Variants in C17orf75 observed in about 807,000 individuals in gnomAD.
C17orf75 encodes protein Njmu-R1.
C17orf75 carries 32 observed loss-of-function variants against 49.6 expected under a neutral mutation model. The observed-to-expected ratio is 0.65, with a 90% CI of 0.49 to 0.87. The LOEUF is 0.87. C17orf75 is among the 40% of genes least tolerant of loss of function. The pLI, the probability that C17orf75 is intolerant of heterozygous loss-of-function variation, is 0.00. For missense variants in C17orf75, 428 were observed against 473.9 expected (o/e 0.90, Z 0.90); for synonymous variants, 158 against 159.5 (o/e 0.99, Z 0.07).
chr17:32,337,894 T>C lies in C17orf75; in HGVS notation c.549+3A>G, dbSNP rs962073569. 3.1e-6 allele frequency: 5 copies of C among 1,602,684 alleles called. No homozygotes were observed. Among genetic ancestry groups the C allele is most frequent in the Non-Finnish European group, 4.3e-6 (5 of 1,173,698 alleles). On this transcript the variant is annotated splice_donor_region_variant and intron_variant, in intron 5 of 9. Coordinates refer to ENST00000577809, the MANE Select transcript of C17orf75 (RefSeq NM_022344.4). ...TTAAAAACCATTAAGTCAGTCACCTTACCTCACAATTCATGTTATTTTTCA... is the reference window on the plus strand; with the variant it reads ...TTAAAAACCATTAAGTCAGTCACCTCACCTCACAATTCATGTTATTTTTCA...
rs1217116062 is a variant in C17orf75 at position 32,347,432 on chromosome 17, CCA to C, written c.-7+2508_-7+2509del. On this transcript the variant is annotated intron_variant, in intron 1 of 8. Transcript: ENST00000583774. ...TAGCTGGGATTACAGGCGCCCGCCA[CCA>C]CACTCAGCTATTTTTTTTGTATTTT... Among the ~76,000 whole-genome samples the C allele has an allele frequency of 4.6e-5, 7 of 152,180 alleles. No homozygotes were observed. The East Asian group carries it at 1.2e-3, about 25-fold the overall frequency.
In C17orf75 at chr17:32,335,315, G is replaced by A. The variant is rs879492499; in HGVS notation, c.669+8C>T. On this transcript the variant is annotated splice_region_variant and intron_variant, in intron 6 of 9. Transcript: ENST00000577809. ...GTTAAGGAAATGCTCTCATTTGGCA[G>A]TACTTACAGCATGTAGCAGAAAGGT... 1.9e-6 allele frequency: 3 copies of A among 1,613,308 alleles called. No individual in the cohort carries two copies. The highest frequency in any genetic ancestry group is 2.5e-6 in the Non-Finnish European group (3 of 1,179,636).
In C17orf75 at chr17:32,341,267, C is replaced by A. The variant is rs1372226949; in HGVS notation, c.158G>T (p.Gly53Val). The A allele has an allele frequency of 1.2e-6, 2 of 1,613,828 alleles. No individual in the cohort carries two copies. The highest frequency in any genetic ancestry group is 1.7e-6 in the Non-Finnish European group (2 of 1,179,894). The change falls in exon 2 of 10, where the codon GGG (glycine) becomes GTG (valine). Residue 53 changes from glycine (G) to valine (V), a missense_variant. Gly to Val is a moderately radical substitution (Grantham distance 109). Coordinates refer to ENST00000577809, the MANE Select transcript of C17orf75 (RefSeq NM_022344.4). Reference sequence around the variant, plus strand: ...ACTTGGGCTTCCGTCCTCACTGTCCCCTCGTTGCTGTGCCAATCTACAAGC... The same window carrying A: ...ACTTGGGCTTCCGTCCTCACTGTCCACTCGTTGCTGTGCCAATCTACAAGC... ...YRGSRLAQQRGDSEDGSPSGT... is the reference protein window; with the variant it reads ...YRGSRLAQQRVDSEDGSPSGT...
upstream of C17orf75, chr17:32,344,192 T>C: frequency 2.1e-6 from 1 of 468,398 alleles, no homozygotes; most frequent in East Asian, 3.9e-5. Context: ...AGAGACAGTG[T>C]ATCACTTTGT....
intron 5 of C17orf75, among the ~76,000 whole-genome samples, chr17:32,336,318 A>G (rs2041325543): frequency 1.3e-5 from 2 of 152,142 alleles, no homozygotes; most frequent in African/African-American, 4.8e-5. Flanking sequence ...GGCTCAAGCG[A>G]TCCTCCCACC....
At chr17:32,334,880 A>C (rs369049457) in intron 6 of C17orf75, 41 bp from the exon 7 acceptor site, 1 of 1,524,856 alleles carries the variant, frequency 6.6e-7, no homozygotes, top group Non-Finnish European at 8.9e-7. Flanking sequence ...CATATATTCC[A>C]GTTTTTCTTG....
At chr17:32,345,167 T>A (rs2041415765), upstream of C17orf75, among the ~76,000 whole-genome samples, 1 of 151,926 alleles carries the variant, frequency 6.6e-6, no homozygotes, top group Admixed American at 6.6e-5. Flanking sequence ...CACATTTGAT[T>A]GGATATTCCT....
chr17:32,342,030 T>C lies in C17orf75; in HGVS notation c.110A>G (p.His37Arg). 2 of 1,545,822 alleles carry C rather than the reference T, an allele frequency of 1.3e-6. No homozygotes were observed. Among genetic ancestry groups the C allele is most frequent in the Non-Finnish European group, 8.7e-7 (1 of 1,146,478 alleles). Reference sequence around the variant, plus strand: ...TCCGCGATAGCTGTAAAGACAGTAGTGGCTGCTGGACGGCGGCTCGAGTCT... The same window carrying C: ...TCCGCGATAGCTGTAAAGACAGTAGCGGCTGCTGGACGGCGGCTCGAGTCT... ...ERRLEPPSSS[H>R]YCLYSYRGSR... The change falls in exon 1 of 10, where the codon CAC becomes CGC. Residue 37 changes from histidine (H) to arginine (R), a missense_variant. Coordinates refer to ENST00000577809, the MANE Select transcript of C17orf75 (RefSeq NM_022344.4).
chr17:32,338,281 T>C lies in C17orf75; in HGVS notation c.418A>G (p.Thr140Ala). 7.4e-6 allele frequency: 12 copies of C among 1,612,854 alleles called. No homozygotes were observed. Among genetic ancestry groups the C allele is most frequent in the Non-Finnish European group, 1.0e-5 (12 of 1,179,554 alleles). ...GAAGGGTTACGTTCAGAGTCTATCG[T>C]TACTGTTTCAGGAAGCAGTTTTTCA... Reference protein sequence around the residue: ...QNEKLLPETVTIDSERNPSEY... With the variant: ...QNEKLLPETVAIDSERNPSEY... The change falls in exon 4 of 10, where the codon ACG becomes GCG. Residue 140 changes from threonine (T) to alanine (A), a missense_variant. Physicochemically the swap from Thr to Ala is moderately conservative, Grantham distance 58. Coordinates refer to ENST00000577809, the MANE Select transcript of C17orf75 (RefSeq NM_022344.4).
intron 5 of C17orf75, 62 bp from the exon 6 acceptor site, chr17:32,335,504 TTTC>T: frequency 1.9e-6 from 3 of 1,581,504 alleles, no homozygotes; most frequent in Non-Finnish European, 2.6e-6. Context: ...GACTTCATAT[TTTC>T]TTCATCATAT....
upstream of C17orf75, among the ~76,000 whole-genome samples, chr17:32,344,536 G>C (rs2041409735): frequency 6.7e-6 from 1 of 149,868 alleles, no homozygotes; most frequent in Non-Finnish European, 1.5e-5. Context: ...AGAATGGCAT[G>C]AACCTGGGAG....
chr17:32,333,957 A>T (rs2041301290), intron 8 of C17orf75, among the ~76,000 whole-genome samples: 1 of 152,126 alleles, frequency 6.6e-6, no homozygotes, highest in South Asian at 2.1e-4. Context: ...ACGTCTTTAA[A>T]CTTTTCCCAT....
chr17:32,338,010 C>A, intron 4 of C17orf75, 56 bp from the exon 5 acceptor site: 1 of 1,536,338 alleles, frequency 6.5e-7, no homozygotes, highest in South Asian at 1.2e-5. Flanking sequence ...TTTCATCTCT[C>A]AACAAGAAAT....
rs112390941 is a variant in C17orf75 at position 32,339,949 on chromosome 17, G to C, written c.222-11C>G. ...TCTGCCAAGGAGAGGCTTGACAAAT[G>C]AAAGACACACATTCTTTACCAGTGG... On this transcript the variant is annotated splice_polypyrimidine_tract_variant and intron_variant, in intron 2 of 9. Transcript: ENST00000577809. 6.8e-6 allele frequency: 11 copies of C among 1,613,590 alleles called. No individual in the cohort carries two copies. Among genetic ancestry groups the C allele is most frequent in the African/African-American group, 5.3e-5 (4 of 75,034 alleles).
chr17:32,333,596 G>T, intron 8 of C17orf75, 76 bp from the exon 9 acceptor site: 1 of 1,334,666 alleles, frequency 7.5e-7, no homozygotes, highest in Non-Finnish European at 1.1e-6. Context: ...TGAGACGGGA[G>T]ATTCGCTCTT....
intron 2 of C17orf75, 109 bp downstream of exon 2, chr17:32,341,092 CGGT>C: frequency 4.4e-6 from 5 of 1,128,780 alleles, no homozygotes; most frequent in Middle Eastern, 4.0e-4. Flanking sequence ...GAGGAATTGA[CGGT>C]TTGACTCAGG....
chr17:32,340,225 C>T (rs1490550566), intron 2 of C17orf75, among the ~76,000 whole-genome samples: 1 of 152,216 alleles, frequency 6.6e-6, no homozygotes, highest in Non-Finnish European at 1.5e-5. Flanking sequence ...TCAAGTTTCT[C>T]ATCTCACTTC....
At chr17:32,343,239 G>C (rs564512351), upstream of C17orf75, among the ~76,000 whole-genome samples, 10 of 152,112 alleles carry the variant, frequency 6.6e-5, no homozygotes, top group East Asian at 1.9e-3. Context: ...CCAGCCTCCA[G>C]AACTGTGAAA....
chr17:32,349,616 T>G (rs1478632795), intron 1 of C17orf75, among the ~76,000 whole-genome samples: 1 of 151,912 alleles, frequency 6.6e-6, no homozygotes, highest in East Asian at 1.9e-4. Context: ...AACAAAACTT[T>G]ACTTGACAAC....
Sources: gnomAD v4.1 joint callset for allele counts (sites outside exome capture counted in the v4.1 genomes callset) on GRCh38, gnomAD v4.1.1 for gene constraint, MANE v1.5 for transcripts, NCBI Gene and HGNC (gene_info 2026-07-23, HGNC 2026-07-21) for gene names.